PANX3: variants seen among roughly 807,000 people sequenced by gnomAD.
PANX3 encodes pannexin-3.
In PANX3, 18 loss-of-function variants were observed where a neutral mutation model predicts 31.5. The ratio of observed to expected loss-of-function variants is 0.57; its 90% confidence interval spans 0.39 to 0.85. The LOEUF (loss-of-function observed/expected upper bound fraction) is 0.85, where lower values mean the gene tolerates loss of function less well. Ranked by LOEUF, PANX3 falls within the 40% of genes least tolerant of loss-of-function variation. The probability of loss-of-function intolerance (pLI) is 0.00; values close to 1 mark genes in which losing one functional copy is unlikely to be tolerated. For synonymous variants in PANX3, 194 were observed against 201.6 expected (o/e 0.96, Z 0.32); for missense variants, 426 against 485.4 (o/e 0.88, Z 1.15).
At chr11:124,612,128 T>C (rs148661009) in intron 1 of PANX3, among the ~76,000 whole-genome samples, 2,883 of 152,280 alleles carry the variant, frequency 0.019, 38 homozygotes, top group Non-Finnish European at 0.028. Flanking sequence ...AAGTCTCTTA[T>C]TTGCTCTGGG....
At chr11:124,617,206 T>TCAGTCAGCACTGTCAC in intron 2 of PANX3, 68 bp from the exon 3 acceptor site, 1 of 1,253,544 alleles carries the variant, frequency 8.0e-7, no homozygotes, top group South Asian at 1.3e-5. Flanking sequence ...GGAGAGCCCC[T>TCAGTCAGCACTGTCAC]CAGTCAGCAC....
At position 124,617,272 on chromosome 11, in the gene PANX3, AGGCCCTCCCCTACTCCCTGCT is replaced by A; in HGVS notation, c.330_350del (p.Pro111_Leu117del). 6.2e-7 allele frequency: 1 copy of A among 1,602,700 alleles called. No homozygotes were observed. The highest frequency in any genetic ancestry group is 2.2e-5 in the East Asian group (1 of 44,826). On this transcript the variant is annotated splice_acceptor_variant and coding_sequence_variant, in exon 3 of 4. Transcript: ENST00000284288. LOFTEE classifies it high-confidence loss of function. ...CCCTCCTCAGCTGCTCTCGCCCTGC[AGGCCCTCCCCTACTCCCTGCT>A]GGCCCTGGCCTTGCTCATGTACCTG...
Position 124,611,623 on chromosome 11 carries a change from C to A in PANX3, c.67C>A (p.Pro23Thr). 3 of 1,614,168 alleles carry A rather than the reference C, an allele frequency of 1.9e-6. No individual in the cohort carries two copies. The highest frequency in any genetic ancestry group is 3.3e-4 in the Middle Eastern group (2 of 6,062). ...SDALLPDRRGPRLKGLRLELP... is the reference protein window; with the variant it reads ...SDALLPDRRGTRLKGLRLELP... ...TGCCCTGCTGCCTGACCGCAGGGGA[C>A]CCCGCCTCAAAGGACTGCGTCTGGA... is the stretch of plus-strand genomic sequence containing the variant. The change falls in exon 1 of 4, where the codon CCC becomes ACC. Residue 23 changes from proline to threonine, a missense_variant. By Grantham distance (38) the Pro-to-Thr change is conservative. Coordinates refer to ENST00000284288, the MANE Select transcript of PANX3 (RefSeq NM_052959.3).
intron 3 of PANX3, among the ~76,000 whole-genome samples, chr11:124,618,716 C>T (rs1324135990): frequency 6.6e-6 from 1 of 152,180 alleles, no homozygotes; most frequent in East Asian, 1.9e-4. Context: ...ACGATCTTGG[C>T]TCATTGCAGC....
At chr11:124,615,743 C>T (rs1019462428) in intron 2 of PANX3, among the ~76,000 whole-genome samples, 14 of 152,144 alleles carry the variant, frequency 9.2e-5, no homozygotes, top group African/African-American at 2.9e-4. Context: ...TGGACGTGGT[C>T]GCTCACACCT....
At position 124,618,712 on chromosome 11, in the gene PANX3, T is replaced by A. The variant is rs151036662; in HGVS notation, c.540-584T>A. ...CAGGCTGGAGTGCAGTGGCACGATC[T>A]TGGCTCATTGCAGCCTCAGTCTCCT... On this transcript the variant is annotated intron_variant, in intron 3 of 3. Transcript: ENST00000284288. Among the ~76,000 whole-genome samples, 699 of 152,324 alleles carry A rather than the reference T, an allele frequency of 4.6e-3. 7 individuals are homozygous for A. The highest frequency in any genetic ancestry group is 0.016 in the African/African-American group (650 of 41,572).
At position 124,611,669 on chromosome 11, in the gene PANX3, T is replaced by C; in HGVS notation, c.113T>C (p.Val38Ala). ...CTGGAACTGCCCCTGGACCGGATAG[T>C]CAAGTTCGTAGCTGTGGGCTCCCCC... ...LRLELPLDRIVKFVAVGSPLL... is the reference protein window; with the variant it reads ...LRLELPLDRIAKFVAVGSPLL... The change falls in exon 1 of 4, where the codon GTC (valine) becomes GCC (alanine). Residue 38 changes from valine (V) to alanine (A), a missense_variant. By Grantham distance (64) the Val-to-Ala change is moderately conservative. Coordinates refer to ENST00000284288, the MANE Select transcript of PANX3 (RefSeq NM_052959.3). The C allele has an allele frequency of 6.2e-7, 1 of 1,614,162 alleles. No homozygotes were observed. Among genetic ancestry groups the C allele is most frequent in the Non-Finnish European group, 8.5e-7 (1 of 1,179,998 alleles).
chr11:124,612,940 C>T (rs1344508661), intron 1 of PANX3, 40 bp from the exon 2 acceptor site: 2 of 1,608,788 alleles, frequency 1.2e-6, no homozygotes, highest in Admixed American at 1.7e-5. Context: ...CACTCCTCCA[C>T]TCCAACTCAG....
In PANX3 at chr11:124,620,139, C is replaced by A; in HGVS notation, c.*204C>A. The stretch of plus-strand genomic sequence containing the variant: ...ATGGAAATAAATGTGAAAGCTGGAG[C>A]CGAAGAGTCAAAGAGCTAAAAAATT... On this transcript the variant is annotated 3_prime_UTR_variant, in exon 4 of 4. Transcript: ENST00000284288. The A allele has an allele frequency of 1.6e-6, 1 of 616,086 alleles. No individual in the cohort carries two copies. The highest frequency in any genetic ancestry group is 2.7e-5 in the South Asian group (1 of 37,336). The allele number at this position is 616,086 out of a possible 1,614,324, so 38.2% of individuals were successfully genotyped here.
Position 124,611,848 on chromosome 11 carries a change from G to T in PANX3, c.181+111G>T, listed in dbSNP as rs1863095985. 2.4e-6 allele frequency: 3 copies of T among 1,238,968 alleles called. No homozygotes were observed. In the Admixed American group the frequency reaches 7.5e-5, roughly 31 times the overall value. The allele number at this position is 1,238,968 out of a possible 1,614,324, so 76.7% of individuals were successfully genotyped here. ...CAGTGACGGGATTCCATGGCTTCGG[G>T]CTGGGCTGGATTATCCAAAAGGCAG... On this transcript the variant is annotated intron_variant, in intron 1 of 3. Coordinates refer to ENST00000284288, the MANE Select transcript of PANX3 (RefSeq NM_052959.3).
intron 3 of PANX3, among the ~76,000 whole-genome samples, chr11:124,618,678 T>C (rs2134313886): frequency 6.6e-6 from 1 of 152,308 alleles, no homozygotes; most frequent in East Asian, 1.9e-4. Flanking sequence ...AGGGTCTCAC[T>C]CTGTTGCCCA....
At chr11:124,614,261 G>A (rs1394742262) in intron 2 of PANX3, among the ~76,000 whole-genome samples, 2 of 150,924 alleles carry the variant, frequency 1.3e-5, no homozygotes, top group Admixed American at 6.6e-5. Flanking sequence ...AATCAAGATC[G>A]CCAGAAAACT....
chr11:124,613,787 T>C (rs1365049985), intron 2 of PANX3, among the ~76,000 whole-genome samples: 1 of 152,144 alleles, frequency 6.6e-6, no homozygotes, highest in Non-Finnish European at 1.5e-5. Flanking sequence ...AAGTACCTGG[T>C]GTCTCCAATT....
chr11:124,611,762 C>G, intron 1 of PANX3, 25 bp downstream of exon 1: 6 of 1,602,336 alleles, frequency 3.7e-6, no homozygotes, highest in Non-Finnish European at 5.1e-6. Flanking sequence ...AGACCCAGTG[C>G]GCAAGAGAGA....
chr11:124,620,006 C>A lies in PANX3; in HGVS notation c.*71C>A. The A allele has an allele frequency of 1.4e-6, 2 of 1,457,970 alleles. No homozygotes were observed. The highest frequency in any genetic ancestry group is 1.4e-5 in the South Asian group (1 of 71,982). The allele number at this position is 1,457,970 out of a possible 1,614,324, so 90.3% of individuals were successfully genotyped here. On this transcript the variant is annotated 3_prime_UTR_variant, in exon 4 of 4. Transcript: ENST00000284288. ...TCCTCATAAGACATGCACACTAATA[C>A]ACATACACACCAAAAAATTACACAT...
chr11:124,613,663 A>G (rs1451409504), intron 2 of PANX3, among the ~76,000 whole-genome samples: 20 of 152,146 alleles, frequency 1.3e-4, no homozygotes. Flanking sequence ...TAGGGGAGGG[A>G]AAGAGGAGCC....
chr11:124,619,240 A>G (rs2134314262), intron 3 of PANX3, 56 bp from the exon 4 acceptor site: 1 of 1,512,542 alleles, frequency 6.6e-7, no homozygotes. Context: ...TGCCTCTCTT[A>G]GAGTATGGTT....
chr11:124,615,935 C>T (rs1451661591), intron 2 of PANX3, among the ~76,000 whole-genome samples: 1 of 152,008 alleles, frequency 6.6e-6, no homozygotes. Context: ...TTGCTTGAAC[C>T]CACAGGAGGC....
chr11:124,615,438 C>T (rs1303278036), intron 2 of PANX3, among the ~76,000 whole-genome samples: 3 of 152,266 alleles, frequency 2.0e-5, no homozygotes, highest in South Asian at 4.1e-4. Context: ...TCTTTTTCTT[C>T]AAATTCTCTT....
Sources: gnomAD v4.1 joint callset for allele counts (sites outside exome capture counted in the v4.1 genomes callset) on GRCh38, gnomAD v4.1.1 for gene constraint, MANE v1.5 for transcripts, NCBI Gene and HGNC (gene_info 2026-07-23, HGNC 2026-07-21) for gene names.